Variants in CRACD observed in about 807,000 individuals in gnomAD.
CRACD encodes the protein capping protein-inhibiting regulator of actin dynamics.
In CRACD, 56 loss-of-function variants were observed where a neutral mutation model predicts 106.8. The observed-to-expected ratio is 0.52, with a 90% CI of 0.42 to 0.66. The LOEUF (loss-of-function observed/expected upper bound fraction) is 0.66. CRACD is among the 30% of genes least tolerant of loss of function. CRACD has a pLI of 0.00. For synonymous variants in CRACD, 754 were observed against 670.8 expected (o/e 1.12, Z -1.92); for missense variants, 1,730 against 1,623.2 (o/e 1.07, Z -1.13).
At chr4:56,179,931 C>T (rs1736741979) in intron 2 of CRACD, among the ~76,000 whole-genome samples, 1 of 151,810 alleles carries the variant, frequency 6.6e-6, no homozygotes, top group African/African-American at 2.4e-5. Context: ...GCAGGAGAAT[C>T]GCTTGAACTC....
At chr4:56,248,534 T>C (rs1308915856) in intron 2 of CRACD, among the ~76,000 whole-genome samples, 6 of 152,152 alleles carry the variant, frequency 3.9e-5, no homozygotes, top group Admixed American at 2.0e-4. Context: ...TATTTATTTA[T>C]GAAATAGTTG....
intron 1 of CRACD, among the ~76,000 whole-genome samples, chr4:56,058,469 C>G (rs1246264259): frequency 1.3e-5 from 2 of 152,122 alleles, no homozygotes; most frequent in African/African-American, 4.8e-5. Flanking sequence ...GGTCTTTTGC[C>G]TGTGTTCTGA....
At chr4:56,125,764 C>CTTTTTTTT (rs11289899) in intron 1 of CRACD, among the ~76,000 whole-genome samples, 48 of 73,296 alleles carry the variant, frequency 6.5e-4, no homozygotes, top group South Asian at 1.3e-3. Context: ...CATTCTTCTT[C>CTTTTTTTT]TTTTTTTTTT....
intron 1 of CRACD, among the ~76,000 whole-genome samples, chr4:56,111,268 A>G (rs1734112920): frequency 6.6e-6 from 1 of 152,142 alleles, no homozygotes; most frequent in Admixed American, 6.5e-5. Flanking sequence ...TCAAAAATCG[A>G]GAGTTGCAAT....
intron 2 of CRACD, among the ~76,000 whole-genome samples, chr4:56,242,622 C>A (rs575481277): frequency 2.5e-4 from 38 of 152,194 alleles, no homozygotes; most frequent in African/African-American, 8.7e-4. Context: ...CAGAAAAAGA[C>A]GTCGGGGGCC....
At chr4:56,154,142 G>A (rs181509247) in intron 1 of CRACD, among the ~76,000 whole-genome samples, 58 of 152,286 alleles carry the variant, frequency 3.8e-4, no homozygotes, top group African/African-American at 1.4e-3. Context: ...AGGATCTGCA[G>A]CCTTTTTGAG....
rs116137104 is a variant in CRACD, at chr4:56,181,406, A to G, written c.-189+1976A>G. 6.7e-3 allele frequency among the ~76,000 whole-genome samples: 1,020 copies of G among 152,208 alleles called. 18 individuals carry two copies. The highest frequency in any genetic ancestry group is 0.024 in the African/African-American group (979 of 41,518). Reference sequence around the variant, plus strand: ...GAGGGTTGATCCACAGGAAATGATGACACTTCTTGGTTTAGATGCATAAGA... The same window carrying G: ...GAGGGTTGATCCACAGGAAATGATGGCACTTCTTGGTTTAGATGCATAAGA... On this transcript the variant is annotated intron_variant, in intron 2 of 10. Coordinates refer to ENST00000682029, the MANE Select transcript of CRACD (RefSeq NM_001393381.1).
intron 1 of CRACD, among the ~76,000 whole-genome samples, chr4:56,170,699 G>A (rs561303700): frequency 3.3e-5 from 5 of 152,222 alleles, no homozygotes; most frequent in African/African-American, 1.2e-4. Flanking sequence ...AAATTAGCCA[G>A]GCATGGTGGT....
At chr4:56,137,601 A>T (rs1735049319) in intron 1 of CRACD, among the ~76,000 whole-genome samples, 2 of 152,240 alleles carry the variant, frequency 1.3e-5, no homozygotes, top group South Asian at 4.1e-4. Flanking sequence ...AGTTGAGAAG[A>T]CAAATCTGGT....
chr4:56,171,751 A>C (rs1195099771), intron 1 of CRACD, among the ~76,000 whole-genome samples: 1 of 152,202 alleles, frequency 6.6e-6, no homozygotes, highest in African/African-American at 2.4e-5. Flanking sequence ...CAAATAGTAG[A>C]AAATTATAAG....
At chr4:56,176,585 C>T (rs757031234) in intron 1 of CRACD, among the ~76,000 whole-genome samples, 10 of 152,062 alleles carry the variant, frequency 6.6e-5, no homozygotes, top group Non-Finnish European at 1.2e-4. Flanking sequence ...CCCACTACCA[C>T]GCCCGGCTAA....
At chr4:56,225,132 A>G (rs1739235048) in intron 2 of CRACD, among the ~76,000 whole-genome samples, 1 of 152,336 alleles carries the variant, frequency 6.6e-6, no homozygotes, top group Non-Finnish European at 1.5e-5. Flanking sequence ...TCTCTTGCCC[A>G]GGCTGGAGTG....
intron 1 of CRACD, among the ~76,000 whole-genome samples, chr4:56,055,097 G>A (rs765011524): frequency 6.6e-6 from 1 of 152,148 alleles, no homozygotes; most frequent in African/African-American, 2.4e-5. Flanking sequence ...TTAAGAGCAG[G>A]TAGCAGCTGC....
chr4:56,316,722 G>GTTTTTTTTTTTAATGATA, intron 8 of CRACD, 33 bp downstream of exon 8: 1 of 1,576,872 alleles, frequency 6.3e-7, no homozygotes, highest in Non-Finnish European at 8.6e-7. Flanking sequence ...ACTGCTGCCA[G>GTTTTTTTTTTTAATGATA]CCGAGGTGTC....
chr4:56,104,300 GGGA>G (rs552722486), intron 1 of CRACD, among the ~76,000 whole-genome samples: 32 of 152,194 alleles, frequency 2.1e-4, no homozygotes, highest in African/African-American at 7.7e-4. Context: ...GGGTGGAGGT[GGGA>G]GGATTGCTTG....
At chr4:56,101,449 A>G (rs898685276) in intron 1 of CRACD, among the ~76,000 whole-genome samples, 1 of 152,148 alleles carries the variant, frequency 6.6e-6, no homozygotes, top group South Asian at 2.1e-4. Flanking sequence ...GTCTGTGTAT[A>G]TCTTTGTACT....
rs961656612 is a variant in CRACD, at chr4:56,253,998, G to A, written c.-188-18323G>A. On this transcript the variant is annotated intron_variant, in intron 2 of 10. Transcript: ENST00000682029. ...TGGAAACTTCAATCATTGACCCTTC[G>A]AATCTCAGAATTGGAAGGTCATCTG... Among the ~76,000 whole-genome samples the A allele has an allele frequency of 7.9e-5, 12 of 152,242 alleles. No individual in the cohort carries two copies. The East Asian group carries it at 1.7e-3, about 22-fold the overall frequency.
In CRACD at chr4:56,185,241, G is replaced by A. The variant is rs1737036720; in HGVS notation, c.-189+5811G>A. ...CAAAGTGCTGGGATTACAGGCGTGA[G>A]CCAGCGCACCCGGCCTTCAGTGGCA... On this transcript the variant is annotated intron_variant, in intron 2 of 10. Transcript: ENST00000682029. 5.3e-5 allele frequency among the ~76,000 whole-genome samples: 8 copies of A among 152,312 alleles called. No individual in the cohort carries two copies. The South Asian group carries it at 1.7e-3, about 32-fold the overall frequency.
intron 2 of CRACD, among the ~76,000 whole-genome samples, chr4:56,183,274 AT>A (rs1178619493): frequency 6.7e-6 from 1 of 148,174 alleles, no homozygotes; most frequent in Admixed American, 6.7e-5. Context: ...ATAAAATAAA[AT>A]AAAATAAAAT....
Sources: gnomAD v4.1 joint callset for allele counts (sites outside exome capture counted in the v4.1 genomes callset) on GRCh38, gnomAD v4.1.1 for gene constraint, MANE v1.5 for transcripts, NCBI Gene and HGNC (gene_info 2026-07-23, HGNC 2026-07-21) for gene names.